The following AGTPBP1 variants were observed in gnomAD, a reference collection of about 807,000 sequenced individuals.
AGTPBP1 encodes cytosolic carboxypeptidase 1.
AGTPBP1 carries 70 observed loss-of-function variants against 143.9 expected under a neutral mutation model. The observed-to-expected ratio is 0.49, with a 90% confidence interval of 0.40 to 0.59. The LOEUF is 0.59. AGTPBP1 is among the 20% of genes least tolerant of loss of function. AGTPBP1 has a pLI of 0.00. For synonymous variants in AGTPBP1, 463 were observed against 500.2 expected, an observed-to-expected ratio of 0.93 and a Z score of 0.99; for missense variants, 1,229 against 1,464.5, an observed-to-expected ratio of 0.84 and a Z score of 2.62.
At chr9:85,781,298 G>A in the AGTPBP1 span, 21 of 1,568,144 alleles carry the variant, frequency 1.3e-5, no homozygotes, top group African/African-American at 2.8e-5. Context: ...AAAACCAGCC[G>A]GGATCATAAG....
At chr9:85,687,274 TA>T (rs1835541849) in intron 3 of AGTPBP1, among the ~76,000 whole-genome samples, 1 of 152,176 alleles carries the variant, frequency 6.6e-6, no homozygotes, top group Non-Finnish European at 1.5e-5. Context: ...ATATACAATT[TA>T]ATAATATTTT....
At chr9:85,789,683 G>C in the AGTPBP1 span, among the ~76,000 whole-genome samples, 4 of 152,010 alleles carry the variant, frequency 2.6e-5, no homozygotes, top group Admixed American at 6.6e-5. Context: ...ATGAACCCAG[G>C]GTCCAAGGAG....
chr9:85,701,718 C>T (rs1378119118), intron 2 of AGTPBP1, among the ~76,000 whole-genome samples: 3 of 152,176 alleles, frequency 2.0e-5, no homozygotes, highest in South Asian at 2.1e-4. Flanking sequence ...TCCAAGCCCC[C>T]ATAACCACTA....
At chr9:85,784,776 C>G in the AGTPBP1 span, among the ~76,000 whole-genome samples, 1 of 152,282 alleles carries the variant, frequency 6.6e-6, no homozygotes, top group African/African-American at 2.4e-5. Context: ...GAACCCCTAC[C>G]TGAACCAGAG....
chr9:85,595,488 C>G (rs1829237928), intron 18 of AGTPBP1, among the ~76,000 whole-genome samples: 1 of 152,114 alleles, frequency 6.6e-6, no homozygotes, highest in Non-Finnish European at 1.5e-5. Context: ...TCAAACTATT[C>G]CACAGAAGTA....
At chr9:85,746,827 A>G (rs147137474), upstream of AGTPBP1, among the ~76,000 whole-genome samples, 113 of 152,096 alleles carry the variant, frequency 7.4e-4, no homozygotes, top group African/African-American at 2.3e-3. Context: ...TCATTTCACT[A>G]TGTATATCAA....
At chr9:85,731,639 C>T (rs989809549) in intron 1 of AGTPBP1, among the ~76,000 whole-genome samples, 6 of 152,094 alleles carry the variant, frequency 3.9e-5, no homozygotes, top group Middle Eastern at 3.4e-3. Context: ...TTGTAGAGAC[C>T]GGGTCTTGTC....
In AGTPBP1 at chr9:85,586,852, A is replaced by C. The variant is rs1415135948; in HGVS notation, c.3012T>G (p.Ala1004=). ...YHAKGLLQYL[A]AVKRLPLVYC... ...TTACCAAGGGTAAACGCTTCACTGC[A>C]GCCAAGTATTGCAACAGCCCCTTAG... Residue 1004 remains alanine (A), a synonymous_variant, in exon 22 of 26, where the codon GCT becomes GCG. Coordinates refer to ENST00000357081, the MANE Select transcript of AGTPBP1 (RefSeq NM_001330701.2). The C allele has an allele frequency of 3.7e-6, 6 of 1,613,790 alleles. No homozygotes were observed. The highest frequency in any genetic ancestry group is 4.2e-6 in the Non-Finnish European group (5 of 1,179,884).
At chr9:85,564,804 G>A (rs1389024155) in intron 25 of AGTPBP1, among the ~76,000 whole-genome samples, 2 of 152,198 alleles carry the variant, frequency 1.3e-5, no homozygotes, top group Admixed American at 1.3e-4. Context: ...AACGATGCAT[G>A]ACTATATTCA....
chr9:85,734,148 G>A (rs1351497830), intron 1 of AGTPBP1, among the ~76,000 whole-genome samples: 4 of 152,120 alleles, frequency 2.6e-5, no homozygotes, highest in African/African-American at 9.7e-5. Context: ...AGCTACTCAG[G>A]ACGCTGAGGC....
chr9:85,724,015 G>T (rs145899052), intron 1 of AGTPBP1, among the ~76,000 whole-genome samples: 1 of 152,078 alleles, frequency 6.6e-6, no homozygotes, highest in Admixed American at 6.6e-5. Context: ...GGCCGGGTAC[G>T]GTGGCTCATG....
chr9:85,639,243 G>A (rs992053459), intron 13 of AGTPBP1, among the ~76,000 whole-genome samples: 12 of 151,972 alleles, frequency 7.9e-5, no homozygotes, highest in Admixed American at 3.9e-4. Flanking sequence ...TCAGAGTAAA[G>A]ATAATAAAAA....
the AGTPBP1 span, among the ~76,000 whole-genome samples, chr9:85,765,318 C>G: frequency 6.6e-6 from 1 of 152,124 alleles, no homozygotes; most frequent in Non-Finnish European, 1.5e-5. Context: ...TAATTTATTA[C>G]ATACAAGAGA....
rs1444712665 is a variant in AGTPBP1 at position 85,633,427 on chromosome 9, TA to T, written c.1303-54del. On this transcript the variant is annotated intron_variant, in intron 13 of 25. Transcript: ENST00000357081. The stretch of plus-strand genomic sequence containing the variant: ...TTTAACTGTAAATATTAAAACATAT[TA>T]ACAAAACTAATACATTCATGTTATA... 13 of 1,316,846 alleles carry T rather than the reference TA, an allele frequency of 9.9e-6. No homozygotes were observed. In the African/African-American group the frequency reaches 1.8e-4, roughly 18 times the overall value. 81.6% of individuals were successfully genotyped at this position (1,316,846 alleles called of 1,614,324 possible).
rs751240200 is a variant in AGTPBP1 at position 85,594,250 on chromosome 9, GACAA to G, written c.2424-1550_2424-1547del. On this transcript the variant is annotated intron_variant, in intron 18 of 25. Coordinates refer to ENST00000357081, the MANE Select transcript of AGTPBP1 (RefSeq NM_001330701.2). ...CAGTTTTATTCCATTTTATAGAGAAGACAAACAAGCATCATAGGACTTAGCTGAC... is the reference window on the plus strand; with the variant it reads ...CAGTTTTATTCCATTTTATAGAGAAGACAAGCATCATAGGACTTAGCTGAC... Among the ~76,000 whole-genome samples, 31 of 152,258 alleles carry G rather than the reference GACAA, an allele frequency of 2.0e-4. No homozygotes were observed. The East Asian group carries it at 2.5e-3, about 12-fold the overall frequency.
chr9:85,664,852 A>G (rs1834040573), intron 8 of AGTPBP1, among the ~76,000 whole-genome samples: 1 of 152,152 alleles, frequency 6.6e-6, no homozygotes, highest in African/African-American at 2.4e-5. Flanking sequence ...ATTCAATGCA[A>G]TATGTTTCTT....
chr9:85,606,996 T>C (rs926574768), intron 17 of AGTPBP1, among the ~76,000 whole-genome samples: 5 of 151,824 alleles, frequency 3.3e-5, no homozygotes, highest in African/African-American at 1.2e-4. Flanking sequence ...TATAGCAGAG[T>C]TGGGTGACTA....
At chr9:85,636,259 CTTTTTTTTTTTT>C (rs35445993) in intron 13 of AGTPBP1, among the ~76,000 whole-genome samples, 1 of 118,544 alleles carries the variant, frequency 8.4e-6, no homozygotes, top group Non-Finnish European at 1.8e-5. Context: ...TGTAAGGTTT[CTTTTTTTTTTTT>C]TTTTTTTTTG....
the AGTPBP1 span, among the ~76,000 whole-genome samples, chr9:85,748,593 T>A: frequency 5.3e-5 from 8 of 152,186 alleles, no homozygotes; most frequent in Admixed American, 5.2e-4. Flanking sequence ...AAAATGTAGT[T>A]CTCCAATGTG....
Sources: allele counts gnomAD v4.1 joint callset (sites outside exome capture counted in the v4.1 genomes callset), GRCh38; gene constraint gnomAD v4.1.1; transcripts MANE v1.5; gene names NCBI Gene and HGNC (gene_info 2026-07-23, HGNC 2026-07-21).